SLC35D1: variants seen among roughly 807,000 people sequenced by gnomAD.
SLC35D1 encodes nucleotide sugar transporter SLC35D1.
SLC35D1 carries 31 observed loss-of-function variants against 46.7 expected under a neutral mutation model. The ratio of observed to expected loss-of-function variants is 0.66; its 90% CI spans 0.50 to 0.90. The LOEUF (loss-of-function observed/expected upper bound fraction) is 0.90, where lower values mean the gene tolerates loss of function less well. SLC35D1 is among the 40% of genes least tolerant of loss of function. The pLI, the probability that SLC35D1 is intolerant of heterozygous loss-of-function variation, is 0.00. For missense variants in SLC35D1, 397 were observed against 426.2 expected (o/e 0.93, Z 0.60); for synonymous variants, 195 against 164.6 (o/e 1.18, Z -1.41).
chr1:67,042,177 C>A, intron 8 of SLC35D1, 59 bp downstream of exon 8: 2 of 1,434,134 alleles, frequency 1.4e-6, no homozygotes, highest in Non-Finnish European at 2.0e-6. Context: ...ATCTTTTCAT[C>A]ATAAATAATA....
intron 10 of SLC35D1, among the ~76,000 whole-genome samples, chr1:67,009,969 T>C (rs1365087454): frequency 3.3e-5 from 5 of 152,002 alleles, no homozygotes; most frequent in Admixed American, 2.0e-4. Flanking sequence ...ATTAAGAAAA[T>C]GTGGTACATA....
chr1:67,049,334 C>T (rs776148053), intron 6 of SLC35D1, among the ~76,000 whole-genome samples: 84 of 151,700 alleles, frequency 5.5e-4, no homozygotes, highest in Admixed American at 1.1e-3. Flanking sequence ...TATAAAAACA[C>T]ACAGGCTCTG....
intron 8 of SLC35D1, among the ~76,000 whole-genome samples, chr1:67,026,522 G>C (rs1667917321): frequency 6.6e-6 from 1 of 152,058 alleles, no homozygotes; most frequent in Admixed American, 6.6e-5. Context: ...AATTTATGTA[G>C]AATTATTATT....
Position 67,000,262 on chromosome 1 carries a change from T to C in SLC35D1, c.*4078A>G, listed in dbSNP as rs1667307183. The C allele has an allele frequency of 6.7e-6, 1 of 149,784 alleles. No individual in the cohort carries two copies. The highest frequency in any genetic ancestry group is 2.4e-5 in the African/African-American group (1 of 40,844). The allele number at this position is 149,784 out of a possible 1,614,324, so 9.3% of individuals were successfully genotyped here. A position where few individuals can be genotyped will look rare whatever the true frequency, so the allele number is the denominator to read the frequency against. On this transcript the variant is annotated 3_prime_UTR_variant, in exon 12 of 12. Transcript: ENST00000235345. Reference sequence around the variant, plus strand: ...TTACGCCATTACACTCCAGCCTGGCTGGCGACAGAGCAAGACCTTCTTTCT... The same window carrying C: ...TTACGCCATTACACTCCAGCCTGGCCGGCGACAGAGCAAGACCTTCTTTCT...
intron 11 of SLC35D1, among the ~76,000 whole-genome samples, chr1:67,006,381 C>A (rs542116834): frequency 1.1e-4 from 17 of 152,162 alleles, no homozygotes; most frequent in Non-Finnish European, 2.4e-4. Context: ...ACATGTACGT[C>A]CACCCACATG....
chr1:67,012,363 C>A (rs563580976), intron 10 of SLC35D1, among the ~76,000 whole-genome samples: 2 of 151,710 alleles, frequency 1.3e-5, no homozygotes, highest in African/African-American at 2.4e-5. Flanking sequence ...ATTTTTTGGG[C>A]GGGGGCATGG....
At chr1:66,986,633 A>G in the SLC35D1 span, 1 of 597,718 alleles carries the variant, frequency 1.7e-6, no homozygotes, top group Non-Finnish European at 2.9e-6. Flanking sequence ...TTTTTTCCCA[A>G]ACAGTGTTAA....
At chr1:67,011,423 T>A (rs541199966) in intron 10 of SLC35D1, among the ~76,000 whole-genome samples, 5 of 152,268 alleles carry the variant, frequency 3.3e-5, no homozygotes, top group Non-Finnish European at 7.4e-5. Context: ...GACCTCTTTC[T>A]CCCTGTGGAA....
the SLC35D1 span, among the ~76,000 whole-genome samples, chr1:66,993,472 G>C: frequency 6.6e-6 from 1 of 152,124 alleles, no homozygotes; most frequent in African/African-American, 2.4e-5. Context: ...AACTGGGACT[G>C]AATTTCCCGG....
At chr1:67,053,629 G>C (rs1400670431) in intron 1 of SLC35D1, among the ~76,000 whole-genome samples, 182 bp downstream of exon 1, 1 of 151,936 alleles carries the variant, frequency 6.6e-6, no homozygotes. Context: ...CCCTGCCACA[G>C]GCCCGCTCGC....
At chr1:66,993,523 A>G in the SLC35D1 span, among the ~76,000 whole-genome samples, 10 of 152,248 alleles carry the variant, frequency 6.6e-5, no homozygotes, top group Non-Finnish European at 1.2e-4. Flanking sequence ...TTGATATAAA[A>G]TAATATGTAC....
the SLC35D1 span, among the ~76,000 whole-genome samples, chr1:66,977,000 T>C: frequency 1.3e-5 from 2 of 152,230 alleles, no homozygotes; most frequent in Non-Finnish European, 2.9e-5. Flanking sequence ...AAGCAAGATT[T>C]AGAATGTATA....
intron 7 of SLC35D1, among the ~76,000 whole-genome samples, chr1:67,046,514 G>A (rs1157844546): frequency 6.6e-6 from 1 of 152,142 alleles, no homozygotes; most frequent in African/African-American, 2.4e-5. Context: ...GAAAAACTAT[G>A]GTGACATCTA....
At chr1:67,023,487 T>A (rs1200072808) in intron 8 of SLC35D1, among the ~76,000 whole-genome samples, 2 of 4,680 alleles carry the variant, frequency 4.3e-4, no homozygotes, top group African/African-American at 5.7e-3. Flanking sequence ...TCTTTTGCCA[T>A]TTTTTTTTTT....
rs539311583 is a variant in SLC35D1, at chr1:67,000,345, C to G, written c.*3995G>C. ...GAGTAGGGGGAAGAAAATAATTTTC[C>G]TTTATTAAAATGTACTGTCACAATA... On this transcript the variant is annotated 3_prime_UTR_variant, in exon 12 of 12. Coordinates refer to ENST00000235345, the MANE Select transcript of SLC35D1 (RefSeq NM_015139.3). The G allele has an allele frequency of 2.1e-5, 3 of 144,464 alleles. No homozygotes were observed. Among genetic ancestry groups the G allele is most frequent in the Admixed American group, 6.9e-5 (1 of 14,422 alleles). The allele number at this position is 144,464 out of a possible 1,614,324, so 8.9% of individuals were successfully genotyped here.
the SLC35D1 span, among the ~76,000 whole-genome samples, chr1:66,984,321 T>C: frequency 7.2e-5 from 11 of 152,216 alleles, no homozygotes; most frequent in African/African-American, 2.4e-4. Flanking sequence ...TATTAACTTA[T>C]TTAATTTTCA....
At chr1:67,013,347 G>A (rs1481232438) in intron 10 of SLC35D1, among the ~76,000 whole-genome samples, 1 of 151,146 alleles carries the variant, frequency 6.6e-6, no homozygotes, top group East Asian at 1.9e-4. Flanking sequence ...AGGAGTTCAA[G>A]ACTAGCCTGG....
At chr1:67,028,055 T>G (rs144032449) in intron 8 of SLC35D1, among the ~76,000 whole-genome samples, 6 of 151,152 alleles carry the variant, frequency 4.0e-5, no homozygotes, top group African/African-American at 1.5e-4. Context: ...TTGATTTTCA[T>G]TGTTCAAAAT....
At chr1:66,997,502 TAA>T (rs767972425), downstream of SLC35D1, among the ~76,000 whole-genome samples, 110 of 79,978 alleles carry the variant, frequency 1.4e-3, no homozygotes, top group African/African-American at 4.5e-3. Flanking sequence ...GACCCTGTGT[TAA>T]AAAAAAAAAA....
Sources: gnomAD v4.1 joint callset for allele counts (sites outside exome capture counted in the v4.1 genomes callset) on GRCh38, gnomAD v4.1.1 for gene constraint, MANE v1.5 for transcripts, NCBI Gene and HGNC (gene_info 2026-07-23, HGNC 2026-07-21) for gene names.